FRMD4A: variants seen among roughly 807,000 people sequenced by gnomAD.
The protein encoded by FRMD4A is FERM domain-containing protein 4A.
In FRMD4A, 29 loss-of-function variants were observed where a neutral mutation model predicts 129.1. The ratio of observed to expected loss-of-function variants is 0.22; its 90% confidence interval spans 0.17 to 0.31. The LOEUF (loss-of-function observed/expected upper bound fraction) is 0.31. FRMD4A is among the 10% of genes least tolerant of loss of function. The pLI is 1.00. For missense variants in FRMD4A, 1,272 were observed against 1,375.8 expected (o/e 0.92, Z 1.19); for synonymous variants, 634 against 571.6 (o/e 1.11, Z -1.56).
At chr10:14,329,080 C>G (rs1843403695) in intron 2 of FRMD4A, among the ~76,000 whole-genome samples, 1 of 152,234 alleles carries the variant, frequency 6.6e-6, no homozygotes, top group African/African-American at 2.4e-5. Flanking sequence ...AGGCTTCCCA[C>G]TGACGGCTCT....
At chr10:14,153,082 G>T (rs184389374) in intron 2 of FRMD4A, among the ~76,000 whole-genome samples, 60 of 152,310 alleles carry the variant, frequency 3.9e-4, no homozygotes, top group African/African-American at 1.4e-3. Flanking sequence ...CCCTACTGTG[G>T]TCTTTCCAAT....
chr10:13,683,207 C>T (rs1418739534), intron 15 of FRMD4A, among the ~76,000 whole-genome samples: 4 of 152,146 alleles, frequency 2.6e-5, no homozygotes, highest in East Asian at 3.9e-4. Flanking sequence ...GCCCCTTCCA[C>T]GTGCACGGTG....
At position 14,193,445 on chromosome 10, in the gene FRMD4A, CACA is replaced by C. The variant is rs546601021; in HGVS notation, c.45+136610_45+136612del. On this transcript the variant is annotated intron_variant, in intron 2 of 24. Coordinates refer to ENST00000357447, the MANE Select transcript of FRMD4A (RefSeq NM_018027.5). ...TGCTTTTTAATTCTTGGTGTTTTAC[CACA>C]TACATACATACACCCACCCACCCAC... is the stretch of plus-strand genomic sequence containing the variant. 5.1e-3 allele frequency among the ~76,000 whole-genome samples: 755 copies of C among 148,086 alleles called. 2 individuals are homozygous for C. The highest frequency in any genetic ancestry group is 8.2e-3 in the Non-Finnish European group (559 of 67,862).
At chr10:14,329,178 C>T (rs748956039) in intron 2 of FRMD4A, among the ~76,000 whole-genome samples, 1 of 152,170 alleles carries the variant, frequency 6.6e-6, no homozygotes, top group African/African-American at 2.4e-5. Flanking sequence ...TACACAGAAG[C>T]ACTTATGCTT....
At chr10:13,960,053 C>T (rs1485637331) in intron 2 of FRMD4A, among the ~76,000 whole-genome samples, 1 of 152,162 alleles carries the variant, frequency 6.6e-6, no homozygotes, top group Non-Finnish European at 1.5e-5. Flanking sequence ...GCCTTTGGAT[C>T]CGGGATCAGA....
chr10:14,107,031 G>T (rs1837624545), intron 2 of FRMD4A, among the ~76,000 whole-genome samples: 1 of 152,156 alleles, frequency 6.6e-6, no homozygotes, highest in Non-Finnish European at 1.5e-5. Context: ...GAAAAAGATT[G>T]AAATCATGTT....
chr10:14,211,963 A>G (rs1460520238), intron 2 of FRMD4A, among the ~76,000 whole-genome samples: 1 of 152,164 alleles, frequency 6.6e-6, no homozygotes, highest in Non-Finnish European at 1.5e-5. Flanking sequence ...TCTCTCTGTG[A>G]TGGAGACCTG....
intron 2 of FRMD4A, among the ~76,000 whole-genome samples, chr10:14,167,914 A>G (rs4750477): frequency 0.27 from 40,985 of 152,142 alleles, 5,805 homozygotes; most frequent in Admixed American, 0.33. Flanking sequence ...GGGTAGACGC[A>G]GTGTTTCTGC....
intron 2 of FRMD4A, among the ~76,000 whole-genome samples, chr10:14,031,651 G>T (rs995689622): frequency 1.3e-5 from 2 of 152,176 alleles, no homozygotes; most frequent in Non-Finnish European, 2.9e-5. Context: ...GAGAACCAAG[G>T]CATGAGCTCT....
chr10:14,205,632 C>A (rs535653293), intron 2 of FRMD4A, among the ~76,000 whole-genome samples: 1 of 151,974 alleles, frequency 6.6e-6, no homozygotes, highest in African/African-American at 2.4e-5. Context: ...CTTGGTGACA[C>A]CCTGTCTCTA....
intron 2 of FRMD4A, among the ~76,000 whole-genome samples, chr10:14,162,520 C>T (rs150760588): frequency 2.6e-5 from 4 of 152,108 alleles, no homozygotes; most frequent in Non-Finnish European, 2.9e-5. Context: ...AGGAGGAACA[C>T]GGGGTCTGAT....
At chr10:14,184,476 T>C (rs1056404030) in intron 2 of FRMD4A, among the ~76,000 whole-genome samples, 5 of 131,492 alleles carry the variant, frequency 3.8e-5, no homozygotes, top group African/African-American at 1.6e-4. Flanking sequence ...TAGCCAACTT[T>C]CTATTCTATT....
At chr10:14,026,256 C>A (rs569793115) in intron 2 of FRMD4A, among the ~76,000 whole-genome samples, 6 of 152,334 alleles carry the variant, frequency 3.9e-5, no homozygotes, top group African/African-American at 1.4e-4. Flanking sequence ...ATTTTAGTAT[C>A]TCTCTGTGAA....
intron 2 of FRMD4A, among the ~76,000 whole-genome samples, chr10:13,975,793 A>C (rs1261475843): frequency 6.6e-6 from 1 of 152,096 alleles, no homozygotes; most frequent in Non-Finnish European, 1.5e-5. Context: ...CTTACAGAGG[A>C]GGTCCCAGCA....
At chr10:13,859,079 T>C (rs2094255649) in intron 2 of FRMD4A, among the ~76,000 whole-genome samples, 167 bp from the exon 3 acceptor site, 1 of 152,180 alleles carries the variant, frequency 6.6e-6, no homozygotes, top group Admixed American at 6.5e-5. Flanking sequence ...ATTCATTCAT[T>C]CAAAAATATC....
intron 2 of FRMD4A, among the ~76,000 whole-genome samples, chr10:14,024,836 A>G (rs563628202): frequency 5.6e-4 from 85 of 152,322 alleles, no homozygotes; most frequent in South Asian, 4.4e-3. Context: ...TCTGACTCTG[A>G]TATTTATAGG....
intron 15 of FRMD4A, chr10:13,684,801 AAAG>A: frequency 1.0e-6 from 1 of 985,160 alleles, no homozygotes; most frequent in Non-Finnish European, 1.2e-6. Context: ...ACAATGCTCC[AAAG>A]AAGAAAGGAA....
chr10:13,704,620 A>G (rs1297307436), intron 13 of FRMD4A, among the ~76,000 whole-genome samples: 4 of 152,044 alleles, frequency 2.6e-5, no homozygotes, highest in African/African-American at 7.2e-5. Flanking sequence ...TTCACCCTTC[A>G]TGGCCCACGA....
At chr10:13,731,181 G>A (rs1005054816) in intron 12 of FRMD4A, among the ~76,000 whole-genome samples, 3 of 152,138 alleles carry the variant, frequency 2.0e-5, no homozygotes, top group Non-Finnish European at 4.4e-5. Flanking sequence ...AAAGGAGAGA[G>A]GAGAGCTACA....
Sources: gnomAD v4.1 joint callset for allele counts (sites outside exome capture counted in the v4.1 genomes callset) on GRCh38, gnomAD v4.1.1 for gene constraint, MANE v1.5 for transcripts, NCBI Gene and HGNC (gene_info 2026-07-23, HGNC 2026-07-21) for gene names.